The following GPR26 variants were observed in gnomAD, a reference collection of about 807,000 sequenced individuals.
GPR26 encodes G protein-coupled receptor 26.
A neutral mutation model predicts 23.1 loss-of-function variants in GPR26; 15 were observed. The ratio of observed to expected loss-of-function variants is 0.65; its 90% CI spans 0.43 to 1.00. The LOEUF (loss-of-function observed/expected upper bound fraction) is 1.00. GPR26 is among the 50% of genes least tolerant of loss of function. GPR26 has a pLI of 0.00. For synonymous variants in GPR26, 228 were observed against 222.1 expected (o/e 1.03, Z -0.24); for missense variants, 359 against 470.5 (o/e 0.76, Z 2.19).
At chr10:123,683,642 C>T (rs1207651075) in intron 2 of GPR26, among the ~76,000 whole-genome samples, 2 of 152,156 alleles carry the variant, frequency 1.3e-5, no homozygotes, top group Admixed American at 6.5e-5. Context: ...CAAGGGTGGG[C>T]AGCTTCCTAT....
Position 123,696,039 on chromosome 10 carries a change from T to C in GPR26, c.*7879T>C, listed in dbSNP as rs1845539879. 6.6e-6 allele frequency among the ~76,000 whole-genome samples: 1 copy of C among 152,194 alleles called. No individual in the cohort carries two copies. Among genetic ancestry groups the C allele is most frequent in the African/African-American group, 2.4e-5 (1 of 41,448 alleles). ...ACACCAGAATAGGCCAGATTTAATT[T>C]TCACAGGCTCATCTGGGAGAAGGAT... On this transcript the variant is annotated 3_prime_UTR_variant, in exon 3 of 3. Transcript: ENST00000284674.
At chr10:123,684,831 G>T (rs1845414113) in intron 2 of GPR26, among the ~76,000 whole-genome samples, 1 of 152,218 alleles carries the variant, frequency 6.6e-6, no homozygotes, top group Admixed American at 6.5e-5. Context: ...CGACACTAGG[G>T]GTTAGGACTT....
At chr10:123,669,651 T>C (rs567331147) in intron 1 of GPR26, among the ~76,000 whole-genome samples, 232 of 152,348 alleles carry the variant, frequency 1.5e-3, no homozygotes, top group African/African-American at 4.7e-3. Flanking sequence ...AGGACCTGTT[T>C]TGAGGACCCA....
rs1442776885 is a variant in GPR26, at chr10:123,690,148, T to A, written c.*1988T>A. ...CTCAGAGCTCCTTTGGCCACTCATA[T>A]TACAATAGCAACAGACATTTGCTTC... On this transcript the variant is annotated 3_prime_UTR_variant, in exon 3 of 3. Coordinates refer to ENST00000284674, the MANE Select transcript of GPR26 (RefSeq NM_153442.4). 1 of 152,150 alleles carries A rather than the reference T, an allele frequency of 6.6e-6. No homozygotes were observed. Among genetic ancestry groups the A allele is most frequent in the Non-Finnish European group, 1.5e-5 (1 of 68,040 alleles). The allele number at this position is 152,150 out of a possible 1,614,324, so 9.4% of individuals were successfully genotyped here.
At chr10:123,686,261 G>C (rs375074930) in intron 2 of GPR26, among the ~76,000 whole-genome samples, 41 of 152,344 alleles carry the variant, frequency 2.7e-4, no homozygotes, top group Middle Eastern at 3.4e-3. Flanking sequence ...GCAACAATGT[G>C]TTGGCATTCA....
At chr10:123,681,528 G>T (rs898785256) in intron 2 of GPR26, among the ~76,000 whole-genome samples, 1 of 152,192 alleles carries the variant, frequency 6.6e-6, no homozygotes, top group Non-Finnish European at 1.5e-5. Context: ...CCTTATAAAT[G>T]GAGACGTGTC....
At chr10:123,678,404 C>A (rs894554902) in intron 2 of GPR26, among the ~76,000 whole-genome samples, 3 of 152,212 alleles carry the variant, frequency 2.0e-5, no homozygotes, top group African/African-American at 7.2e-5. Context: ...CCACCTTTCT[C>A]TCCCGTCAGG....
chr10:123,674,813 T>A lies in GPR26; in HGVS notation c.669-5T>A. 1 of 1,604,768 alleles carries A rather than the reference T, an allele frequency of 6.2e-7. No individual in the cohort carries two copies. Among genetic ancestry groups the A allele is most frequent in the Non-Finnish European group, 8.5e-7 (1 of 1,172,080 alleles). On this transcript the variant is annotated splice_polypyrimidine_tract_variant and splice_region_variant and intron_variant, in intron 1 of 2. Coordinates refer to ENST00000284674, the MANE Select transcript of GPR26 (RefSeq NM_153442.4). This position sits in a 1 kb window ranked among gnomAD's most constrained non-coding sequence, Gnocchi z 4.1. The stretch of plus-strand genomic sequence containing the variant: ...AGTTCACCTTCTCTCCTCTCTCACA[T>A]GCAGTGTGCGGGAACGCTGTCTGGA...
rs1052292742 is a variant in GPR26, at chr10:123,666,729, G to A, written c.322G>A (p.Val108Met). ...AALSIDRWVA[V>M]VFPLSYRAKM... The stretch of plus-strand genomic sequence containing the variant: ...GCTCAGCATCGACCGCTGGGTGGCC[G>A]TGGTCTTCCCGCTGAGCTACCGGGC... Residue 108 changes from valine to methionine, a missense_variant, in exon 1 of 3, where the codon GTG (valine) becomes ATG (methionine). Transcript: ENST00000284674. 1.9e-6 allele frequency: 3 copies of A among 1,598,166 alleles called. No homozygotes were observed. The highest frequency in any genetic ancestry group is 2.2e-5 in the East Asian group (1 of 44,490).
intron 2 of GPR26, among the ~76,000 whole-genome samples, chr10:123,686,688 C>T (rs996256725): frequency 6.6e-6 from 1 of 152,184 alleles, no homozygotes; most frequent in Non-Finnish European, 1.5e-5. Flanking sequence ...TACCTGGGTC[C>T]TCACCTGGCC....
rs531177412 is a variant in GPR26, at chr10:123,696,505, A to T, written c.*8345A>T. 6.6e-6 allele frequency among the ~76,000 whole-genome samples: 1 copy of T among 152,354 alleles called. No individual in the cohort carries two copies. Among genetic ancestry groups the T allele is most frequent in the South Asian group, 2.1e-4 (1 of 4,832 alleles). On this transcript the variant is annotated 3_prime_UTR_variant, in exon 3 of 3. Coordinates refer to ENST00000284674, the MANE Select transcript of GPR26 (RefSeq NM_153442.4). ...AAGGGAGTCCAGTTAAGGAAACCTA[A>T]GGTATGTGCCAGCTGGTTTAGCATT...
rs181816611 is a variant in GPR26 at position 123,686,785 on chromosome 10, G to A, written c.783-1144G>A. ...GTACTAGACCCCCAGTCAGAGGGGA[G>A]TACAGGTGCTGCACCTTCCATGGCC... On this transcript the variant is annotated intron_variant, in intron 2 of 2. Coordinates refer to ENST00000284674, the MANE Select transcript of GPR26 (RefSeq NM_153442.4). 2.0e-5 allele frequency among the ~76,000 whole-genome samples: 3 copies of A among 152,332 alleles called. No homozygotes were observed. In the East Asian group the frequency reaches 5.8e-4, roughly 29 times the overall value.
rs145197548 is a variant in GPR26, at chr10:123,674,541, T to C, written c.669-277T>C. Among the ~76,000 whole-genome samples, 571 of 152,340 alleles carry C rather than the reference T, an allele frequency of 3.7e-3. 4 individuals carry two copies. Among genetic ancestry groups the C allele is most frequent in the African/African-American group, 0.013 (531 of 41,580 alleles). On this transcript the variant is annotated intron_variant, in intron 1 of 2. Coordinates refer to ENST00000284674, the MANE Select transcript of GPR26 (RefSeq NM_153442.4). This position sits in a 1 kb window ranked among gnomAD's most constrained non-coding sequence, Gnocchi z 4.1. ...CATCTCTGTGCTTTATGCATTTAAT[T>C]CTCAAAACAGCCTCTTGTAGCATTT...
intron 1 of GPR26, among the ~76,000 whole-genome samples, chr10:123,668,619 A>G (rs1845215768): frequency 1.3e-5 from 2 of 152,216 alleles, no homozygotes; most frequent in Admixed American, 1.3e-4. Context: ...AGTGTCCTTC[A>G]AGGAAATATT....
In GPR26 at chr10:123,687,959, C is replaced by T. The variant is rs767515588; in HGVS notation, c.813C>T (p.Ile271=). The T allele has an allele frequency of 4.3e-6, 7 of 1,613,118 alleles. No individual in the cohort carries two copies. Among genetic ancestry groups the T allele is most frequent in the African/African-American group, 1.3e-5 (1 of 74,924 alleles). ...RLVELFSTVP[I]GSHWGVLSKC... ...TGGAGCTCTTCTCCACGGTGCCCAT[C>T]GGCTCCCACTGGGGGGTGCTGTCCA... The change falls in exon 3 of 3, where the codon ATC becomes ATT. Residue 271 remains isoleucine (I), a synonymous_variant. Coordinates refer to ENST00000284674, the MANE Select transcript of GPR26 (RefSeq NM_153442.4).
chr10:123,683,585 C>A (rs962147228), intron 2 of GPR26, among the ~76,000 whole-genome samples: 2 of 152,198 alleles, frequency 1.3e-5, no homozygotes. Flanking sequence ...GGGACCAGGA[C>A]TGCCTAGGCT....
chr10:123,687,978 C>T lies in GPR26; in HGVS notation c.832C>T (p.Leu278=), dbSNP rs1845447099. 2 of 1,613,746 alleles carry T rather than the reference C, an allele frequency of 1.2e-6. No individual in the cohort carries two copies. Among genetic ancestry groups the T allele is most frequent in the African/African-American group, 1.3e-5 (1 of 74,922 alleles). The change falls in exon 3 of 3, where the codon CTG becomes TTG. Residue 278 remains leucine (L), a synonymous_variant. Coordinates refer to ENST00000284674, the MANE Select transcript of GPR26 (RefSeq NM_153442.4). ...TVPIGSHWGV[L]SKCLAYSKAA... ...GCCCATCGGCTCCCACTGGGGGGTG[C>T]TGTCCAAGTGCTTGGCGTACAGCAA...
At chr10:123,671,402 C>T (rs770129786) in intron 1 of GPR26, among the ~76,000 whole-genome samples, 5 of 152,130 alleles carry the variant, frequency 3.3e-5, no homozygotes, top group South Asian at 2.1e-4. Context: ...TCCCCTCCCC[C>T]GCTCAGCCAC....
rs111970394 is a variant in GPR26, at chr10:123,687,702, A to G, written c.783-227A>G. ...CTCCCAGGGCTCAGCAAAACCACATATGGAAAGTGCTTAACACAGTGTGTA... is the reference window on the plus strand; with the variant it reads ...CTCCCAGGGCTCAGCAAAACCACATGTGGAAAGTGCTTAACACAGTGTGTA... On this transcript the variant is annotated intron_variant, in intron 2 of 2. Coordinates refer to ENST00000284674, the MANE Select transcript of GPR26 (RefSeq NM_153442.4). Among the ~76,000 whole-genome samples the G allele has an allele frequency of 2.0e-5, 3 of 152,328 alleles. 1 individual carries two copies. The highest frequency in any genetic ancestry group is 7.2e-5 in the African/African-American group (3 of 41,580).
Sources: allele counts gnomAD v4.1 joint callset (sites outside exome capture counted in the v4.1 genomes callset), GRCh38; gene constraint gnomAD v4.1.1; non-coding constraint Gnocchi (gnomAD v3.1); transcripts MANE v1.5; gene names NCBI Gene and HGNC (gene_info 2026-07-23, HGNC 2026-07-21).